Variants in SAMMSON observed in about 807,000 individuals in gnomAD.
SAMMSON encodes survival associated mitochondrial melanoma specific oncogenic non-coding RNA.
chr3:70,409,425 AAG>A (rs1355590195), intron 2 of SAMMSON, among the ~76,000 whole-genome samples: 1 of 152,104 alleles, frequency 6.6e-6, no homozygotes, highest in Non-Finnish European at 1.5e-5. Flanking sequence ...AAAGTCACTT[AAG>A]AGAGAGAAGA....
intron 4 of SAMMSON, among the ~76,000 whole-genome samples, chr3:70,156,126 G>T (rs1484695499): frequency 1.3e-5 from 2 of 151,946 alleles, no homozygotes; most frequent in East Asian, 3.9e-4. Context: ...AATTTACTAA[G>T]TCCATTCCCC....
Position 70,306,406 on chromosome 3 carries a change from C to T in SAMMSON, n.739+15163C>T, listed in dbSNP as rs74280909. The stretch of plus-strand genomic sequence containing the variant: ...GATTATAGGCATGAGCTACCTCACC[C>T]GGCCAATAATCGTTTTTATATCATC... On this transcript the variant is annotated intron_variant and non_coding_transcript_variant, in intron 7 of 9. Coordinates refer to ENST00000642114, the Ensembl canonical transcript of SAMMSON. Among the ~76,000 whole-genome samples, 3 of 152,240 alleles carry T rather than the reference C, an allele frequency of 2.0e-5. No homozygotes were observed. In the East Asian group the frequency reaches 5.8e-4, roughly 29 times the overall value.
chr3:70,293,045 CAAA>C (rs55990203), intron 7 of SAMMSON, among the ~76,000 whole-genome samples: 22 of 74,818 alleles, frequency 2.9e-4, no homozygotes, highest in African/African-American at 4.1e-4. Context: ...TGGTTTGAAG[CAAA>C]AAAAAAAAAA....
chr3:70,065,390 G>A (rs781477264), intron 3 of SAMMSON: 6 of 152,076 alleles, frequency 3.9e-5, no homozygotes, highest in South Asian at 2.1e-4. Flanking sequence ...GTGCAGTGAC[G>A]AGGATGGGGC....
intron 6 of SAMMSON, among the ~76,000 whole-genome samples, chr3:70,251,078 A>G (rs1392303423): frequency 6.6e-6 from 1 of 152,182 alleles, no homozygotes; most frequent in African/African-American, 2.4e-5. Flanking sequence ...TATTCATTAA[A>G]CCAAACTCGT....
intron 4 of SAMMSON, among the ~76,000 whole-genome samples, chr3:70,081,434 C>T (rs1490480035): frequency 6.6e-6 from 1 of 152,164 alleles, no homozygotes; most frequent in Non-Finnish European, 1.5e-5. Flanking sequence ...TTTATCACCA[C>T]TTATAATTTC....
chr3:70,197,163 G>T, intron 4 of SAMMSON: 1 of 398,448 alleles, frequency 2.5e-6, no homozygotes, highest in South Asian at 1.3e-4. Flanking sequence ...ACAGACAGGC[G>T]AGGATAAGGG....
chr3:70,356,647 T>C lies in SAMMSON; in HGVS notation n.843-1607T>C, dbSNP rs1409536719. Reference sequence around the variant, plus strand: ...GTCCTTTTGTTTTTTAAACAAAATATTTGTATTAAAAACTCTTAAACTTTT... The same window carrying C: ...GTCCTTTTGTTTTTTAAACAAAATACTTGTATTAAAAACTCTTAAACTTTT... On this transcript the variant is annotated intron_variant and non_coding_transcript_variant, in intron 8 of 9. Transcript: ENST00000642114. Among the ~76,000 whole-genome samples, 4 of 152,178 alleles carry C rather than the reference T, an allele frequency of 2.6e-5. No individual in the cohort carries two copies. The South Asian group carries it at 6.2e-4, about 24-fold the overall frequency.
At chr3:70,307,093 A>G (rs1393838912) in intron 7 of SAMMSON, among the ~76,000 whole-genome samples, 3 of 152,130 alleles carry the variant, frequency 2.0e-5, no homozygotes, top group Non-Finnish European at 4.4e-5. Flanking sequence ...TTTCATTTAG[A>G]GATACACCCT....
chr3:70,182,403 A>C (rs558064497), intron 4 of SAMMSON, among the ~76,000 whole-genome samples: 9 of 152,258 alleles, frequency 5.9e-5, no homozygotes, highest in African/African-American at 2.2e-4. Flanking sequence ...GTAGGCTCTG[A>C]GAAAAGGCTC....
At chr3:70,115,233 A>G (rs2067405939) in intron 4 of SAMMSON, among the ~76,000 whole-genome samples, 1 of 151,318 alleles carries the variant, frequency 6.6e-6, no homozygotes, top group Admixed American at 6.6e-5. Flanking sequence ...AAAAGAAAGA[A>G]AGAAAAAAAG....
At chr3:70,249,847 A>G (rs9863178) in intron 6 of SAMMSON, among the ~76,000 whole-genome samples, 151,585 of 152,288 alleles carry the variant, frequency 1, 75,446 homozygotes, top group East Asian at 1. Context: ...ATAAAATAAG[A>G]TGCTGAAATT....
At chr3:70,195,865 C>A (rs546656796) in intron 4 of SAMMSON, among the ~76,000 whole-genome samples, 17 of 152,062 alleles carry the variant, frequency 1.1e-4, no homozygotes, top group Admixed American at 2.6e-4. Flanking sequence ...TTATTTGAGT[C>A]GAAAATCACT....
chr3:70,419,647 G>A (rs940294073), intron 2 of SAMMSON, among the ~76,000 whole-genome samples: 2 of 148,830 alleles, frequency 1.3e-5, no homozygotes, highest in East Asian at 3.9e-4. Context: ...AAAATGGTTT[G>A]TTTGTTTTTG....
intron 2 of SAMMSON, among the ~76,000 whole-genome samples, chr3:70,403,834 A>C (rs1344111741): frequency 6.6e-6 from 1 of 152,210 alleles, no homozygotes; most frequent in African/African-American, 2.4e-5. Flanking sequence ...GTATACAGAT[A>C]AGTATGTATA....
At chr3:70,073,498 A>T (rs1450055180) in intron 4 of SAMMSON, among the ~76,000 whole-genome samples, 4 of 152,028 alleles carry the variant, frequency 2.6e-5, no homozygotes, top group Non-Finnish European at 5.9e-5. Flanking sequence ...CAGGGAAAAG[A>T]GTATGAAGTG....
chr3:70,095,890 T>C (rs1188789049), intron 4 of SAMMSON: 2 of 152,198 alleles, frequency 1.3e-5, no homozygotes, highest in African/African-American at 4.8e-5. Flanking sequence ...TCAATGCATA[T>C]CACTGACACA....
At chr3:70,174,736 C>G (rs543577037) in intron 4 of SAMMSON, among the ~76,000 whole-genome samples, 1 of 143,356 alleles carries the variant, frequency 7.0e-6, no homozygotes, top group Non-Finnish European at 1.5e-5. Flanking sequence ...ATTATCTATT[C>G]AATTAGGGTC....
chr3:70,405,357 T>C (rs1007565625), intron 2 of SAMMSON, among the ~76,000 whole-genome samples: 1 of 152,152 alleles, frequency 6.6e-6, no homozygotes, highest in African/African-American at 2.4e-5. Flanking sequence ...TATCTAAAAA[T>C]TGAAATATCT....
Sources: allele counts gnomAD v4.1 joint callset (sites outside exome capture counted in the v4.1 genomes callset), GRCh38; gene constraint gnomAD v4.1.1; transcripts MANE v1.5; gene names NCBI Gene and HGNC (gene_info 2026-07-23, HGNC 2026-07-21).